ACTC1: variants seen among roughly 807,000 people sequenced by gnomAD.
The protein encoded by ACTC1 is actin alpha cardiac muscle 1.
In ACTC1, 10 loss-of-function variants were observed where a neutral mutation model predicts 31.6. The ratio of observed to expected loss-of-function variants is 0.32; its 90% CI spans 0.19 to 0.54. The LOEUF (loss-of-function observed/expected upper bound fraction) is 0.54, where lower values mean the gene tolerates loss of function less well. ACTC1 is among the 20% of genes least tolerant of loss of function. The probability of loss-of-function intolerance (pLI) is 0.95; values close to 1 mark genes in which losing one functional copy is unlikely to be tolerated. For synonymous variants in ACTC1, 196 were observed against 185.0 expected (o/e 1.06, Z -0.48); for missense variants, 129 against 506.4 (o/e 0.25, Z 7.15).
intron 5 of ACTC1, 55 bp from the exon 6 acceptor site, chr15:34,791,350 C>G: frequency 1.4e-6 from 2 of 1,392,888 alleles, no homozygotes; most frequent in East Asian, 4.7e-5. Flanking sequence ...CACACACACA[C>G]ACATCACAGT....
At chr15:34,791,060 C>A in intron 6 of ACTC1, 54 bp downstream of exon 6, 1 of 1,507,438 alleles carries the variant, frequency 6.6e-7, no homozygotes, top group Non-Finnish European at 9.0e-7. Flanking sequence ...GAACGTAGTT[C>A]TGCTTAGAAT....
chr15:34,792,912 G>C lies in ACTC1; in HGVS notation c.454+333C>G. ...ACACGTTTCTCTCTCTTTTGACTCAGACCCTGTATGGAATGTATTCTCCTT... is the reference window on the plus strand; with the variant it reads ...ACACGTTTCTCTCTCTTTTGACTCACACCCTGTATGGAATGTATTCTCCTT... On this transcript the variant is annotated intron_variant, in intron 3 of 6. Coordinates refer to ENST00000290378, the MANE Select transcript of ACTC1 (RefSeq NM_005159.5). The surrounding 1 kb of genome is among the most constrained non-coding windows in gnomAD (Gnocchi z 5.3). 2 of 509,272 alleles carry C rather than the reference G, an allele frequency of 3.9e-6. No homozygotes were observed. Among genetic ancestry groups the C allele is most frequent in the South Asian group, 4.2e-5 (2 of 47,072 alleles). The allele number at this position is 509,272 out of a possible 1,614,324, so 31.5% of individuals were successfully genotyped here. A position where few individuals can be genotyped will look rare whatever the true frequency, so the allele number is the denominator to read the frequency against.
At chr15:34,790,977 A>G (rs1891692670) in intron 6 of ACTC1, 137 bp downstream of exon 6, 2 of 848,798 alleles carry the variant, frequency 2.4e-6, no homozygotes, top group Non-Finnish European at 3.6e-6. Flanking sequence ...AGAAAATCAG[A>G]AAAAGTGGTA....
chr15:34,793,650 G>A lies in ACTC1; in HGVS notation c.130-81C>T. 1 of 1,293,224 alleles carries A rather than the reference G, an allele frequency of 7.7e-7. No individual in the cohort carries two copies. Among genetic ancestry groups the A allele is most frequent in the Non-Finnish European group, 1.1e-6 (1 of 902,658 alleles). The allele number at this position is 1,293,224 out of a possible 1,614,324, so 80.1% of individuals were successfully genotyped here. ...GTGTCTTGTCCATTTATATCTAACT[G>A]CCCAAGTCAAGGAACATATTTAAAT... On this transcript the variant is annotated intron_variant, in intron 2 of 6. Transcript: ENST00000290378. This position sits in a 1 kb window ranked among gnomAD's most constrained non-coding sequence, Gnocchi z 4.8.
In ACTC1 at chr15:34,793,696, C is replaced by A. The variant is rs7165006; in HGVS notation, c.130-127G>T. On this transcript the variant is annotated intron_variant, in intron 2 of 6. Coordinates refer to ENST00000290378, the MANE Select transcript of ACTC1 (RefSeq NM_005159.5). This position sits in a 1 kb window ranked among gnomAD's most constrained non-coding sequence, Gnocchi z 4.8. Reference sequence around the variant, plus strand: ...TAAATACCAGAAATAACAAGCAATACGATTTTACCCCAATTTAGAAGAATT... The same window carrying A: ...TAAATACCAGAAATAACAAGCAATAAGATTTTACCCCAATTTAGAAGAATT... The A allele has an allele frequency of 1.2e-6, 1 of 857,446 alleles. No homozygotes were observed. Among genetic ancestry groups the A allele is most frequent in the Non-Finnish European group, 1.9e-6 (1 of 536,024 alleles). The allele number at this position is 857,446 out of a possible 1,614,324, so 53.1% of individuals were successfully genotyped here. A position where few individuals can be genotyped will look rare whatever the true frequency, so the allele number is the denominator to read the frequency against.
rs377610013 is a variant in ACTC1, at chr15:34,792,619, A to G, written c.455-50T>C. 1.0e-4 allele frequency: 161 copies of G among 1,605,806 alleles called. No individual in the cohort carries two copies. The African/African-American group carries it at 1.9e-3, about 19-fold the overall frequency. On this transcript the variant is annotated intron_variant, in intron 3 of 6. Coordinates refer to ENST00000290378, the MANE Select transcript of ACTC1 (RefSeq NM_005159.5). The surrounding 1 kb of genome is among the most constrained non-coding windows in gnomAD (Gnocchi z 5.3). ...AAGGTAAATTCCTGAGGACAACACCACTGCTCTAGCCACGGCAAAGCCCGC... is the reference window on the plus strand; with the variant it reads ...AAGGTAAATTCCTGAGGACAACACCGCTGCTCTAGCCACGGCAAAGCCCGC...
chr15:34,793,696 C>T lies in ACTC1; in HGVS notation c.130-127G>A, dbSNP rs7165006. On this transcript the variant is annotated intron_variant, in intron 2 of 6. Coordinates refer to ENST00000290378, the MANE Select transcript of ACTC1 (RefSeq NM_005159.5). This position sits in a 1 kb window ranked among gnomAD's most constrained non-coding sequence, Gnocchi z 4.8. ...TAAATACCAGAAATAACAAGCAATA[C>T]GATTTTACCCCAATTTAGAAGAATT... 2.7e-5 allele frequency: 23 copies of T among 857,496 alleles called. No homozygotes were observed. The highest frequency in any genetic ancestry group is 2.2e-4 in the Admixed American group (10 of 45,430). The allele number at this position is 857,496 out of a possible 1,614,324, so 53.1% of individuals were successfully genotyped here. A position where few individuals can be genotyped will look rare whatever the true frequency, so the allele number is the denominator to read the frequency against.
chr15:34,794,657 G>T (rs771926957), intron 2 of ACTC1, 23 bp downstream of exon 2: 23 of 1,600,240 alleles, frequency 1.4e-5, no homozygotes, highest in African/African-American at 5.9e-5. Context: ...CGAGTGGGAC[G>T]GGGGGCTCGG....
At chr15:34,791,349 ACACAT>A (rs1555418726) in intron 5 of ACTC1, 54 bp from the exon 6 acceptor site, 1 of 1,393,000 alleles carries the variant, frequency 7.2e-7, no homozygotes, top group Non-Finnish European at 9.9e-7. Flanking sequence ...ACACACACAC[ACACAT>A]CACAGTGCAT....
intron 2 of ACTC1, among the ~76,000 whole-genome samples, chr15:34,794,409 A>T (rs1294074923): frequency 6.6e-6 from 1 of 152,194 alleles, no homozygotes; most frequent in Non-Finnish European, 1.5e-5. Context: ...CTAAAGACTA[A>T]AAGTCCAAAA....
At chr15:34,794,941 G>T (rs1395650494) in intron 1 of ACTC1, 111 bp from the exon 2 acceptor site, 2 of 1,002,260 alleles carry the variant, frequency 2.0e-6, no homozygotes, top group Non-Finnish European at 2.8e-6. Context: ...ACTGGACAGG[G>T]GGTTGGGCGG....
chr15:34,791,026 T>A lies in ACTC1; in HGVS notation c.990+88A>T, dbSNP rs1347828719. The A allele has an allele frequency of 7.1e-6, 9 of 1,267,390 alleles. No homozygotes were observed. In the African/African-American group the frequency reaches 1.0e-4, roughly 15 times the overall value. 78.5% of individuals were successfully genotyped at this position (1,267,390 alleles called of 1,614,324 possible). A position where few individuals can be genotyped will look rare whatever the true frequency, so the allele number is the denominator to read the frequency against. On this transcript the variant is annotated intron_variant, in intron 6 of 6. Coordinates refer to ENST00000290378, the MANE Select transcript of ACTC1 (RefSeq NM_005159.5). ...GTAAAGTTTGTAGGAGACAAGAAAC[T>A]GAGTATGAGGGAAAAGGAATTTGGA...
At chr15:34,794,626 A>G (rs1250761509) in intron 2 of ACTC1, 54 bp downstream of exon 2, 40 of 1,581,500 alleles carry the variant, frequency 2.5e-5, no homozygotes, top group Non-Finnish European at 3.4e-5. Context: ...CATTTCCTAG[A>G]TCGCTGGACT....
At chr15:34,791,391 A>G (rs968331443) in intron 5 of ACTC1, 96 bp from the exon 6 acceptor site, 2 of 1,512,552 alleles carry the variant, frequency 1.3e-6, no homozygotes, top group African/African-American at 2.7e-5. Flanking sequence ...GGAAGAGAAC[A>G]GAACTTCTTT....
Position 34,793,209 on chromosome 15 carries a change from T to C in ACTC1, c.454+36A>G, listed in dbSNP as rs1342938552. On this transcript the variant is annotated intron_variant, in intron 3 of 6. Coordinates refer to ENST00000290378, the MANE Select transcript of ACTC1 (RefSeq NM_005159.5). The surrounding 1 kb of genome is among the most constrained non-coding windows in gnomAD (Gnocchi z 4.8). ...CAGCAAGGTCGGTGACTTGGGAATG[T>C]GATTCATCAGTAACTGTCCCCAGAG... is the stretch of plus-strand genomic sequence containing the variant. 5.0e-6 allele frequency: 8 copies of C among 1,605,060 alleles called. No individual in the cohort carries two copies.
chr15:34,790,251 G>T lies in ACTC1; in HGVS notation c.*161C>A. The T allele has an allele frequency of 2.0e-6, 2 of 1,011,140 alleles. No individual in the cohort carries two copies. The highest frequency in any genetic ancestry group is 3.0e-6 in the Non-Finnish European group (2 of 668,182). 62.6% of individuals were successfully genotyped at this position (1,011,140 alleles called of 1,614,324 possible). On this transcript the variant is annotated 3_prime_UTR_variant, in exon 7 of 7. Transcript: ENST00000290378. ...TTTATAGGTTGCAAGTCCTGGTCTG[G>T]TTTATTTATAAAGCAATAAATATTA...
In ACTC1 at chr15:34,793,398, C is replaced by T. The variant is rs193922680; in HGVS notation, c.301G>A (p.Glu101Lys). Reference protein sequence around the residue: ...TFYNELRVAPEEHPTLLTEAP... With the variant: ...TFYNELRVAPKEHPTLLTEAP... ...TCTGTGAGCAGGGTGGGGTGCTCCT[C>T]GGGAGCCACACGGAGCTCATTGTAG... Residue 101 changes from glutamate to lysine, a missense_variant, in exon 3 of 7, where the codon GAG (glutamate) becomes AAG (lysine). Transcript: ENST00000290378. The surrounding 1 kb of genome is among the most constrained non-coding windows in gnomAD (Gnocchi z 4.8). The T allele has an allele frequency of 4.3e-6, 7 of 1,613,988 alleles. No individual in the cohort carries two copies. The highest frequency in any genetic ancestry group is 1.7e-5 in the Admixed American group (1 of 59,998).
At position 34,790,281 on chromosome 15, in the gene ACTC1, C is replaced by A; in HGVS notation, c.*131G>T. 1 of 1,202,076 alleles carries A rather than the reference C, an allele frequency of 8.3e-7. No individual in the cohort carries two copies. The allele number at this position is 1,202,076 out of a possible 1,614,324, so 74.5% of individuals were successfully genotyped here. A position where few individuals can be genotyped will look rare whatever the true frequency, so the allele number is the denominator to read the frequency against. ...TTTATAAAGCAATAAATATTAGAAGCACAAACAAATTGCACGTGTGTAAAC... is the reference window on the plus strand; with the variant it reads ...TTTATAAAGCAATAAATATTAGAAGAACAAACAAATTGCACGTGTGTAAAC... On this transcript the variant is annotated 3_prime_UTR_variant, in exon 7 of 7. Transcript: ENST00000290378.
At chr15:34,795,404 T>A (rs1307696749) in intron 1 of ACTC1, 102 bp downstream of exon 1, 1 of 149,866 alleles carries the variant, frequency 6.7e-6, no homozygotes, top group Non-Finnish European at 1.5e-5. Flanking sequence ...GGGCCTTGGC[T>A]GAATGCGGGC....
Sources: allele counts gnomAD v4.1 joint callset (sites outside exome capture counted in the v4.1 genomes callset), GRCh38; gene constraint gnomAD v4.1.1; non-coding constraint Gnocchi (gnomAD v3.1); transcripts MANE v1.5; gene names NCBI Gene and HGNC (gene_info 2026-07-23, HGNC 2026-07-21).